Variants in GSTCD observed in about 807,000 individuals in gnomAD.
GSTCD encodes glutathione S-transferase C-terminal domain containing, also known as glutathione S-transferase C-terminal domain-containing protein.
Under a neutral mutation model 68.3 loss-of-function variants are expected in GSTCD, and 44 were observed. The ratio of observed to expected loss-of-function variants is 0.64; its 90% CI spans 0.51 to 0.83. The LOEUF (loss-of-function observed/expected upper bound fraction) is 0.83, where lower values mean the gene tolerates loss of function less well. Ranked by LOEUF, GSTCD falls within the 40% of genes least tolerant of loss-of-function variation. GSTCD has a pLI of 0.00. For synonymous variants in GSTCD, 273 were observed against 255.2 expected (o/e 1.07, Z -0.67); for missense variants, 739 against 735.9 (o/e 1.00, Z -0.05).
intron 4 of GSTCD, among the ~76,000 whole-genome samples, chr4:105,727,750 C>T (rs538415659): frequency 6.7e-6 from 1 of 150,014 alleles, no homozygotes; most frequent in South Asian, 2.1e-4. Context: ...AGTTTGTTTT[C>T]AGTAGTACTA....
chr4:105,757,496 A>G (rs1053282404), intron 5 of GSTCD, among the ~76,000 whole-genome samples: 7 of 152,182 alleles, frequency 4.6e-5, no homozygotes, highest in African/African-American at 1.7e-4. Context: ...CATTCTGGAA[A>G]TCATTGGTCA....
intron 5 of GSTCD, among the ~76,000 whole-genome samples, chr4:105,752,817 G>A (rs1191703798): frequency 6.6e-6 from 1 of 151,988 alleles, no homozygotes; most frequent in Non-Finnish European, 1.5e-5. Context: ...ATGTTTCAGA[G>A]ATCATTTTGC....
At chr4:105,835,869 T>C (rs1246764652) in intron 9 of GSTCD, among the ~76,000 whole-genome samples, 1 of 152,138 alleles carries the variant, frequency 6.6e-6, no homozygotes, top group Admixed American at 6.5e-5. Context: ...GGGTAGCTCC[T>C]CTCCACAGAC....
intron 5 of GSTCD, among the ~76,000 whole-genome samples, chr4:105,743,697 C>T (rs539117285): frequency 8.5e-6 from 1 of 117,428 alleles, no homozygotes; most frequent in Non-Finnish European, 1.6e-5. Context: ...CTGGCTCTGT[C>T]GTCCAGGCTG....
chr4:105,785,569 C>T lies in GSTCD; in HGVS notation c.1241-37385C>T, dbSNP rs145235514. Among the ~76,000 whole-genome samples, 1,045 of 152,154 alleles carry T rather than the reference C, an allele frequency of 6.9e-3. 6 individuals carry two copies. Among genetic ancestry groups the T allele is most frequent in the Non-Finnish European group, 0.01 (707 of 67,968 alleles). On this transcript the variant is annotated intron_variant, in intron 5 of 11. Transcript: ENST00000515279. ...TTCCCTAATGCCTACATAAAAAAGG[C>T]ATTTGATAAAATGCACACTTTCATG...
chr4:105,732,829 G>A (rs1246159610), intron 5 of GSTCD, among the ~76,000 whole-genome samples: 1 of 152,134 alleles, frequency 6.6e-6, no homozygotes, highest in Non-Finnish European at 1.5e-5. Flanking sequence ...TGGGCATTTA[G>A]TGGTATAAAT....
At chr4:105,728,154 C>T (rs1207053991) in intron 4 of GSTCD, among the ~76,000 whole-genome samples, 1 of 152,088 alleles carries the variant, frequency 6.6e-6, no homozygotes, top group Admixed American at 6.5e-5. Flanking sequence ...ACCTCTGGTT[C>T]ACCTCTCGAG....
At chr4:105,769,231 G>GCTAT (rs1464584030) in intron 5 of GSTCD, among the ~76,000 whole-genome samples, 1 of 60,118 alleles carries the variant, frequency 1.7e-5, no homozygotes, top group African/African-American at 7.1e-5. Context: ...CTATACACGC[G>GCTAT]CGCACACACA....
At chr4:105,717,101 A>C (rs1361951615) in intron 1 of GSTCD, among the ~76,000 whole-genome samples, 1 of 152,222 alleles carries the variant, frequency 6.6e-6, no homozygotes, top group Non-Finnish European at 1.5e-5. Context: ...TTCAGCACTC[A>C]GCAGCTATCA....
intron 9 of GSTCD, among the ~76,000 whole-genome samples, chr4:105,834,895 G>T (rs1212495383): frequency 6.6e-6 from 1 of 152,164 alleles, no homozygotes; most frequent in East Asian, 1.9e-4. Context: ...AACTGTAACC[G>T]TACATAATGT....
chr4:105,829,638 C>T (rs1723815425), intron 8 of GSTCD, among the ~76,000 whole-genome samples: 1 of 151,756 alleles, frequency 6.6e-6, no homozygotes, highest in Non-Finnish European at 1.5e-5. Context: ...AAAGACCCAC[C>T]CCCATCATAC....
chr4:105,823,330 A>G lies in GSTCD; in HGVS notation c.1401+55A>G. The G allele has an allele frequency of 2.5e-6, 4 of 1,570,492 alleles. No individual in the cohort carries two copies. In the South Asian group the frequency reaches 4.5e-5, roughly 17 times the overall value. On this transcript the variant is annotated intron_variant, in intron 7 of 11. Transcript: ENST00000515279. ...TATTTTAAAATTATACAGTTCAGCT[A>G]GCCAAATTTGGTTTATCCCGCTCTT...
chr4:105,791,290 G>A (rs2149255538), intron 5 of GSTCD, among the ~76,000 whole-genome samples: 1 of 151,788 alleles, frequency 6.6e-6, no homozygotes, highest in Middle Eastern at 3.4e-3. Flanking sequence ...CTACTCGGGA[G>A]GCTGAGGCAG....
chr4:105,799,620 T>TA (rs1736029313), intron 5 of GSTCD, among the ~76,000 whole-genome samples: 1 of 152,132 alleles, frequency 6.6e-6, no homozygotes, highest in Non-Finnish European at 1.5e-5. Context: ...TTTGTTGTCT[T>TA]AAGTGGGCAT....
chr4:105,795,178 T>C (rs1254435000), intron 5 of GSTCD, among the ~76,000 whole-genome samples: 5 of 152,038 alleles, frequency 3.3e-5, no homozygotes, highest in Admixed American at 2.0e-4. Context: ...TCCTTGTATA[T>C]TGTGGGTTTT....
chr4:105,831,455 TA>T (rs1723892659), intron 8 of GSTCD, among the ~76,000 whole-genome samples: 1 of 152,050 alleles, frequency 6.6e-6, no homozygotes, highest in African/African-American at 2.4e-5. Flanking sequence ...CATAGAGAAC[TA>T]AAAAAAGAAG....
At chr4:105,831,505 C>G (rs952683725) in intron 8 of GSTCD, among the ~76,000 whole-genome samples, 1 of 152,078 alleles carries the variant, frequency 6.6e-6, no homozygotes, top group Non-Finnish European at 1.5e-5. Context: ...TAAATCTTGG[C>G]TCTTTGTTAA....
chr4:105,709,715 A>G (rs1447494249), intron 1 of GSTCD, among the ~76,000 whole-genome samples: 1 of 152,176 alleles, frequency 6.6e-6, no homozygotes, highest in Non-Finnish European at 1.5e-5. Flanking sequence ...AAATTCTTGA[A>G]TATCAAGAAA....
At chr4:105,779,665 C>G (rs72673805) in intron 5 of GSTCD, among the ~76,000 whole-genome samples, 8,188 of 152,192 alleles carry the variant, frequency 0.054, 253 homozygotes, top group Middle Eastern at 0.14. Context: ...GTATTAAATA[C>G]TAACATGGGT....
Sources: gnomAD v4.1 joint callset for allele counts (sites outside exome capture counted in the v4.1 genomes callset) on GRCh38, gnomAD v4.1.1 for gene constraint, MANE v1.5 for transcripts, NCBI Gene and HGNC (gene_info 2026-07-23, HGNC 2026-07-21) for gene names.